The following GABBR2 variants were observed in gnomAD, a reference collection of about 807,000 sequenced individuals.
GABBR2 encodes the protein G-protein coupled receptor 51.
A neutral mutation model predicts 105.6 loss-of-function variants in GABBR2; 23 were observed. That is an observed-to-expected ratio of 0.22 (90% confidence interval 0.16 to 0.31). The LOEUF (loss-of-function observed/expected upper bound fraction) is 0.31. GABBR2 is among the 10% of genes least tolerant of loss of function. The pLI is 1.00. For missense variants in GABBR2, 734 were observed against 1,245.5 expected, an observed-to-expected ratio of 0.59 and a Z score of 6.18; for synonymous variants, 478 against 499.7, an observed-to-expected ratio of 0.96 and a Z score of 0.58.
At chr9:98,635,170 C>A (rs1035855833) in intron 1 of GABBR2, among the ~76,000 whole-genome samples, 10 of 152,238 alleles carry the variant, frequency 6.6e-5, no homozygotes, top group Non-Finnish European at 1.3e-4. Flanking sequence ...TAAAGACAAT[C>A]TTTCCCTGAT....
At chr9:98,504,643 T>G (rs1827469484) in intron 3 of GABBR2, among the ~76,000 whole-genome samples, 1 of 152,242 alleles carries the variant, frequency 6.6e-6, no homozygotes, top group Non-Finnish European at 1.5e-5. Flanking sequence ...TAGCCATGAA[T>G]TGTGCCGAAA....
chr9:98,684,006 T>C (rs1352680845), intron 1 of GABBR2, among the ~76,000 whole-genome samples: 23 of 19,818 alleles, frequency 1.2e-3, no homozygotes, highest in Non-Finnish European at 1.7e-3. Flanking sequence ...AGACTCCATC[T>C]CAAAAAAAAA....
At chr9:98,649,484 G>A (rs1331875363) in intron 1 of GABBR2, among the ~76,000 whole-genome samples, 3 of 152,096 alleles carry the variant, frequency 2.0e-5, no homozygotes, top group Non-Finnish European at 2.9e-5. Flanking sequence ...CCTTCCCAGG[G>A]ATCCCATGGC....
At chr9:98,498,371 A>G (rs1363128496) in intron 3 of GABBR2, among the ~76,000 whole-genome samples, 2 of 152,232 alleles carry the variant, frequency 1.3e-5, no homozygotes, top group Non-Finnish European at 2.9e-5. Flanking sequence ...AAATGGCTAA[A>G]ATGATAAATA....
chr9:98,361,054 T>C (rs10986018), intron 13 of GABBR2, among the ~76,000 whole-genome samples: 11,657 of 152,194 alleles, frequency 0.077, 536 homozygotes, highest in Middle Eastern at 0.13. Flanking sequence ...ATTCTACTTT[T>C]TTCTCCTCAT....
chr9:98,438,978 A>C (rs1205900002), intron 7 of GABBR2, among the ~76,000 whole-genome samples: 7 of 152,092 alleles, frequency 4.6e-5, no homozygotes, highest in Non-Finnish European at 1.0e-4. Context: ...ACAGTGACTT[A>C]ACATAAAGAT....
chr9:98,701,830 T>C (rs1830833081), intron 1 of GABBR2, among the ~76,000 whole-genome samples: 1 of 152,168 alleles, frequency 6.6e-6, no homozygotes, highest in South Asian at 2.1e-4. Context: ...CACTGCTTTG[T>C]ATTTACTTTA....
At chr9:98,493,550 C>T (rs1467754498) in intron 4 of GABBR2, among the ~76,000 whole-genome samples, 1 of 152,158 alleles carries the variant, frequency 6.6e-6, no homozygotes, top group Non-Finnish European at 1.5e-5. Context: ...GTTTGCCCTC[C>T]ACCTTACTGA....
rs907067337 is a variant in GABBR2, at chr9:98,406,729, A to G, written c.1237-588T>C. Among the ~76,000 whole-genome samples the G allele has an allele frequency of 4.1e-4, 62 of 152,242 alleles. 1 individual carries two copies. Among genetic ancestry groups the G allele is most frequent in the Non-Finnish European group, 8.8e-5 (6 of 68,032 alleles). On this transcript the variant is annotated intron_variant, in intron 7 of 18. Transcript: ENST00000259455. Reference sequence around the variant, plus strand: ...CTTCTTGAGCCAGCGAGACCTGACTAGTGTCACAGGCAGCTGAGTGCCCCT... The same window carrying G: ...CTTCTTGAGCCAGCGAGACCTGACTGGTGTCACAGGCAGCTGAGTGCCCCT...
chr9:98,499,135 A>C (rs1827346722), intron 3 of GABBR2, among the ~76,000 whole-genome samples: 1 of 152,252 alleles, frequency 6.6e-6, no homozygotes, highest in Admixed American at 6.5e-5. Context: ...CTAAAGTTCT[A>C]CACACCACTT....
intron 1 of GABBR2, among the ~76,000 whole-genome samples, chr9:98,685,881 C>T (rs1830614747): frequency 6.6e-6 from 1 of 151,960 alleles, no homozygotes; most frequent in South Asian, 2.1e-4. Flanking sequence ...AAGAGATGAG[C>T]TCTCACTCTG....
chr9:98,513,588 T>C (rs1266145253), intron 3 of GABBR2, among the ~76,000 whole-genome samples: 1 of 149,352 alleles, frequency 6.7e-6, no homozygotes, highest in African/African-American at 2.4e-5. Context: ...CATCAAAAAG[T>C]GGGCGAAGGA....
intron 12 of GABBR2, among the ~76,000 whole-genome samples, chr9:98,364,472 T>C (rs1367815936): frequency 6.6e-6 from 1 of 152,194 alleles, no homozygotes. Context: ...TCCTCCTCCA[T>C]GAATCTAGGC....
intron 3 of GABBR2, among the ~76,000 whole-genome samples, chr9:98,511,626 C>T (rs1827646643): frequency 6.6e-6 from 1 of 152,138 alleles, no homozygotes; most frequent in Non-Finnish European, 1.5e-5. Context: ...ATACTATAAA[C>T]ACCTCTATGC....
At chr9:98,497,682 ACTT>A (rs1827310987) in intron 3 of GABBR2, among the ~76,000 whole-genome samples, 1 of 152,320 alleles carries the variant, frequency 6.6e-6, no homozygotes, top group South Asian at 2.1e-4. Context: ...TGCTTAAAGC[ACTT>A]CTTGTTCACA....
intron 3 of GABBR2, among the ~76,000 whole-genome samples, chr9:98,529,440 G>T (rs1828023659): frequency 6.6e-6 from 1 of 152,216 alleles, no homozygotes; most frequent in Non-Finnish European, 1.5e-5. Flanking sequence ...TCGATAGCAA[G>T]AGCATGTATT....
chr9:98,517,893 GGGAGTCAGAGGACCAGTGAGAGCCTAGCA>G (rs879601555), intron 3 of GABBR2, among the ~76,000 whole-genome samples: 6,850 of 55,636 alleles, frequency 0.12, 248 homozygotes, highest in East Asian at 0.4. Flanking sequence ...AGAGTCCAGA[GGGAGTCAGAGGACCAGTGAGAGCCTAGCA>G]GGAGTCAGAG....
At chr9:98,504,503 C>T (rs900776660) in intron 3 of GABBR2, among the ~76,000 whole-genome samples, 12 of 152,192 alleles carry the variant, frequency 7.9e-5, no homozygotes, top group Admixed American at 7.2e-4. Context: ...AGGGCTGCAC[C>T]ACATGCACTT....
At chr9:98,457,267 G>A (rs1826340752) in intron 6 of GABBR2, among the ~76,000 whole-genome samples, 1 of 152,170 alleles carries the variant, frequency 6.6e-6, no homozygotes, top group Admixed American at 6.5e-5. Context: ...ACATTCAGAT[G>A]ACATTTCTAC....
Sources: allele counts gnomAD v4.1 joint callset (sites outside exome capture counted in the v4.1 genomes callset), GRCh38; gene constraint gnomAD v4.1.1; transcripts MANE v1.5; gene names NCBI Gene and HGNC (gene_info 2026-07-23, HGNC 2026-07-21).